The following LILRB5 variants were observed in gnomAD, a reference collection of about 807,000 sequenced individuals.
LILRB5 encodes leukocyte immunoglobulin-like receptor subfamily B member 5.
Under a neutral mutation model 68.4 loss-of-function variants are expected in LILRB5, and 61 were observed. The ratio of observed to expected loss-of-function variants is 0.89; its 90% CI spans 0.73 to 1.10. The LOEUF (loss-of-function observed/expected upper bound fraction) is 1.10. Among genes scored for constraint, LILRB5 ranks in the 50% least tolerant of loss-of-function variants. The pLI is 0.00. For synonymous variants in LILRB5, 356 were observed against 315.8 expected (o/e 1.13, Z -1.35); for missense variants, 771 against 751.6 (o/e 1.03, Z -0.30).
Position 54,252,868 on chromosome 19 carries a change from C to T in LILRB5, c.1474+3G>A, listed in dbSNP as rs1433051651. 1 of 1,603,872 alleles carries T rather than the reference C, an allele frequency of 6.2e-7. No individual in the cohort carries two copies. The highest frequency in any genetic ancestry group is 1.3e-5 in the African/African-American group (1 of 74,718). On this transcript the variant is annotated splice_donor_region_variant and intron_variant, in intron 9 of 12. Coordinates refer to ENST00000449561, the MANE Select transcript of LILRB5 (RefSeq NM_001081442.3). ...CCCACGGGTTCCCCCATTCCCTACT[C>T]ACCCGATGTCCTGTGTTTGCTCTGA...
chr19:54,251,869 A>C (rs1225529167), intron 12 of LILRB5, 185 bp downstream of exon 12: 4 of 776,324 alleles, frequency 5.2e-6, no homozygotes, highest in African/African-American at 1.7e-5. Context: ...ACCCGGGAGG[A>C]GGCCCACGAG....
chr19:54,252,378 C>T lies in LILRB5; in HGVS notation c.1564G>A (p.Glu522Lys). Residue 522 changes from glutamate to lysine, a missense_variant, in exon 11 of 13, where the codon GAG (glutamate) becomes AAG (lysine). Physicochemically the swap from Glu to Lys is moderately conservative, Grantham distance 56 (BLOSUM62 1). Transcript: ENST00000449561. The part of the protein sequence containing the change: ...KRASPVADIQ[E>K]EILNAAVKDT... ...TCTAGTCACTCACTGAGAATTTCCTCCTGGATGTCAGCAACTGGGCTGGCC... is the reference window on the plus strand; with the variant it reads ...TCTAGTCACTCACTGAGAATTTCCTTCTGGATGTCAGCAACTGGGCTGGCC... 1.2e-6 allele frequency: 2 copies of T among 1,614,098 alleles called. No homozygotes were observed. The highest frequency in any genetic ancestry group is 1.1e-5 in the South Asian group (1 of 91,078).
chr19:54,249,623 G>A lies in LILRB5; in HGVS notation c.*1163C>T, dbSNP rs2078887097. On this transcript the variant is annotated 3_prime_UTR_variant, in exon 13 of 13. Coordinates refer to ENST00000449561, the MANE Select transcript of LILRB5 (RefSeq NM_001081442.3). Reference sequence around the variant, plus strand: ...AGGGGGAATGTCCTATCTATTGTAGGCGTCAGAAAGAAGGAAGAGAAAACG... The same window carrying A: ...AGGGGGAATGTCCTATCTATTGTAGACGTCAGAAAGAAGGAAGAGAAAACG... 1 of 152,222 alleles carries A rather than the reference G, an allele frequency of 6.6e-6. No homozygotes were observed. The allele number at this position is 152,222 out of a possible 1,614,324, so 9.4% of individuals were successfully genotyped here.
chr19:54,250,962 A>G, intron 12 of LILRB5, 30 bp from the exon 13 acceptor site: 1 of 1,365,500 alleles, frequency 7.3e-7, no homozygotes, highest in African/African-American at 1.9e-5. Context: ...GAGGGAAGGA[A>G]CGTGGTGGGG....
At chr19:54,256,836 C>A (rs769454240) in intron 2 of LILRB5, 63 bp from the exon 3 acceptor site, 4 of 1,608,598 alleles carry the variant, frequency 2.5e-6, no homozygotes, top group Non-Finnish European at 3.4e-6. Flanking sequence ...AGCTCTCAGC[C>A]CCAGGACCCT....
At chr19:54,252,127 G>C in intron 11 of LILRB5, 21 bp from the exon 12 acceptor site, 1 of 1,613,488 alleles carries the variant, frequency 6.2e-7, no homozygotes, top group Non-Finnish European at 8.5e-7. Flanking sequence ...AGAGCAAGGG[G>C]TTCATCTCCT....
Position 54,255,370 on chromosome 19 carries a change from C to T in LILRB5, c.868G>A (p.Gly290Arg), listed in dbSNP as rs138442677. 20 of 1,613,970 alleles carry T rather than the reference C, an allele frequency of 1.2e-5. No individual in the cohort carries two copies. Among genetic ancestry groups the T allele is most frequent in the Middle Eastern group, 1.6e-4 (1 of 6,084 alleles). The change falls in exon 5 of 13, where the codon GGG becomes AGG. Residue 290 changes from glycine (G) to arginine (R), a missense_variant. Coordinates refer to ENST00000449561, the MANE Select transcript of LILRB5 (RefSeq NM_001081442.3). ...FTLGPVSRSHGGQYRCYGAHN... is the reference protein window; with the variant it reads ...FTLGPVSRSHRGQYRCYGAHN... ...GCACCGTAGCATCTGTACTGGCCCCCGTGGGAGCGGCTCACAGGGCCCAGG... is the reference window on the plus strand; with the variant it reads ...GCACCGTAGCATCTGTACTGGCCCCTGTGGGAGCGGCTCACAGGGCCCAGG...
At position 54,254,965 on chromosome 19, in the gene LILRB5, A is replaced by T; in HGVS notation, c.1025T>A (p.Leu342Gln). The change falls in exon 6 of 13, where the codon CTG (leucine) becomes CAG (glutamine). Residue 342 changes from leucine to glutamine, a missense_variant. By Grantham distance (113) the Leu-to-Gln change is moderately radical. Coordinates refer to ENST00000449561, the MANE Select transcript of LILRB5 (RefSeq NM_001081442.3). ...TATCTGATGCCATGACTGACACAGC[A>T]GGGTCACGTTCTCTCCTGAGGCCAC... is the stretch of plus-strand genomic sequence containing the variant. ...PKVASGENVT[L>Q]LCQSWHQIDT... 2.5e-6 allele frequency: 4 copies of T among 1,613,854 alleles called. No homozygotes were observed. Among genetic ancestry groups the T allele is most frequent in the Non-Finnish European group, 2.5e-6 (3 of 1,179,932 alleles).
In LILRB5 at chr19:54,255,442, C is replaced by T. The variant is rs150828702; in HGVS notation, c.796G>A (p.Gly266Ser). 128 of 1,613,930 alleles carry T rather than the reference C, an allele frequency of 7.9e-5. 1 individual carries two copies. The highest frequency in any genetic ancestry group is 1.1e-4 in the Non-Finnish European group (125 of 1,179,960). ...YKEGEHDLVQ[G>S]SGQQPQAGLS... ...CCAGCCTGGGGCTGCTGGCCAGAGC[C>T]CTGGACGAGGTCATGTTCCCCCTCC... Residue 266 changes from glycine (G) to serine (S), a missense_variant, in exon 5 of 13, where the codon GGC becomes AGC. Coordinates refer to ENST00000449561, the MANE Select transcript of LILRB5 (RefSeq NM_001081442.3).
At position 54,255,704 on chromosome 19, in the gene LILRB5, G is replaced by C. The variant is rs930820896; in HGVS notation, c.656-122C>G. The C allele has an allele frequency of 3.3e-6, 4 of 1,226,052 alleles. No individual in the cohort carries two copies. The African/African-American group carries it at 4.6e-5, about 14-fold the overall frequency. The allele number at this position is 1,226,052 out of a possible 1,614,324, so 75.9% of individuals were successfully genotyped here. A position where few individuals can be genotyped will look rare whatever the true frequency, so the allele number is the denominator to read the frequency against. ...TCTCACGCTCTGTGTCTCGGATCCC[G>C]GGGCCTCCTTCTCACCTGGGTCTGT... On this transcript the variant is annotated intron_variant, in intron 4 of 12. Coordinates refer to ENST00000449561, the MANE Select transcript of LILRB5 (RefSeq NM_001081442.3).
chr19:54,253,016 A>T, intron 8 of LILRB5, 29 bp from the exon 9 acceptor site: 1 of 1,462,716 alleles, frequency 6.8e-7, no homozygotes, highest in East Asian at 3.0e-5. Context: ...GGGAATGGGG[A>T]TGACGTCATT....
chr19:54,250,630 A>C lies in LILRB5; in HGVS notation c.*156T>G. 1.2e-6 allele frequency: 1 copy of C among 857,954 alleles called. No homozygotes were observed. Among genetic ancestry groups the C allele is most frequent in the Non-Finnish European group, 1.8e-6 (1 of 557,990 alleles). 53.1% of individuals were successfully genotyped at this position (857,954 alleles called of 1,614,324 possible). On this transcript the variant is annotated 3_prime_UTR_variant, in exon 13 of 13. Coordinates refer to ENST00000449561, the MANE Select transcript of LILRB5 (RefSeq NM_001081442.3). The stretch of plus-strand genomic sequence containing the variant: ...GATATTAGTCATCTTTGACTGCAGA[A>C]TCTAGTGAGTCCCAGAGTTCCCAGG...
In LILRB5 at chr19:54,256,106, AG is replaced by A. The variant is rs760640109; in HGVS notation, c.591del (p.Tyr198IlefsTer30). On this transcript the variant is annotated frameshift_variant, in exon 4 of 13. Coordinates refer to ENST00000449561, the MANE Select transcript of LILRB5 (RefSeq NM_001081442.3). LOFTEE classifies it high-confidence loss of function. ...PSCRWRFRCYYYYRKNPQVWS... is the reference protein window; with the variant it reads ...PSCRWRFRCYXYYRKNPQVWS... ...CACACCTGAGGGTTTTTCCTGTAAT[AG>A]TAATAGCATCTGAACCTCCACCTGC... 13 of 1,597,894 alleles carry A rather than the reference AG, an allele frequency of 8.1e-6. No individual in the cohort carries two copies. Among genetic ancestry groups the A allele is most frequent in the Non-Finnish European group, 1.7e-6 (2 of 1,173,104 alleles).
At position 54,250,651 on chromosome 19, in the gene LILRB5, C is replaced by A. The variant is rs1473273298; in HGVS notation, c.*135G>T. The A allele has an allele frequency of 2.6e-5, 29 of 1,119,794 alleles. No individual in the cohort carries two copies. The highest frequency in any genetic ancestry group is 1.5e-4 in the South Asian group (10 of 65,026). The allele number at this position is 1,119,794 out of a possible 1,614,324, so 69.4% of individuals were successfully genotyped here. A position where few individuals can be genotyped will look rare whatever the true frequency, so the allele number is the denominator to read the frequency against. On this transcript the variant is annotated 3_prime_UTR_variant, in exon 13 of 13. Transcript: ENST00000449561. Reference sequence around the variant, plus strand: ...CAGAATCTAGTGAGTCCCAGAGTTCCCAGGATGTCCTGGTGGTCTTTGTTA... The same window carrying A: ...CAGAATCTAGTGAGTCCCAGAGTTCACAGGATGTCCTGGTGGTCTTTGTTA...
chr19:54,255,373 G>A lies in LILRB5; in HGVS notation c.865C>T (p.His289Tyr), dbSNP rs685082. ...CCGTAGCATCTGTACTGGCCCCCGTGGGAGCGGCTCACAGGGCCCAGGGTG... is the reference window on the plus strand; with the variant it reads ...CCGTAGCATCTGTACTGGCCCCCGTAGGAGCGGCTCACAGGGCCCAGGGTG... ...NFTLGPVSRS[H>Y]GGQYRCYGAH... is the part of the protein sequence containing the mutation. The change falls in exon 5 of 13, where the codon CAC (histidine) becomes TAC (tyrosine). Residue 289 changes from histidine (H) to tyrosine (Y), a missense_variant. By Grantham distance (83) the His-to-Tyr change is moderately conservative. Transcript: ENST00000449561. The A allele has an allele frequency of 2.7e-4, 429 of 1,613,912 alleles. No individual in the cohort carries two copies. The African/African-American group carries it at 4.5e-3, about 17-fold the overall frequency.
intron 4 of LILRB5, chr19:54,255,786 G>A (rs748767946): frequency 1.3e-4 from 97 of 726,124 alleles, no homozygotes; most frequent in Non-Finnish European, 2.1e-4. Context: ...TGTCTGTCTG[G>A]TCTGTCCTCT....
chr19:54,252,294 C>CT, intron 11 of LILRB5, 72 bp downstream of exon 11: 1 of 1,551,996 alleles, frequency 6.4e-7, no homozygotes, highest in South Asian at 1.2e-5. Flanking sequence ...GCCTGTGCTC[C>CT]TGCCCCCATT....
intron 8 of LILRB5, 83 bp downstream of exon 8, chr19:54,253,935 C>T (rs1273820363): frequency 6.4e-7 from 1 of 1,550,740 alleles, no homozygotes; most frequent in Non-Finnish European, 8.7e-7. Flanking sequence ...TTCACCATCT[C>T]CAGAGGAGCC....
Position 54,252,373 on chromosome 19 carries a change from T to G in LILRB5, c.1569A>C (p.Glu523Asp). The G allele has an allele frequency of 6.2e-7, 1 of 1,614,016 alleles. No homozygotes were observed. Among genetic ancestry groups the G allele is most frequent in the Non-Finnish European group, 8.5e-7 (1 of 1,179,968 alleles). The change falls in exon 11 of 13, where the codon GAA becomes GAC. Residue 523 changes from glutamate to aspartate, a missense_variant. Glu to Asp is a conservative substitution (Grantham distance 45). Transcript: ENST00000449561. Reference protein sequence around the residue: ...RASPVADIQEEILNAAVKDTQ... With the variant: ...RASPVADIQEDILNAAVKDTQ... ...CCGCTTCTAGTCACTCACTGAGAAT[T>G]TCCTCCTGGATGTCAGCAACTGGGC...
Sources: gnomAD v4.1 joint callset for allele counts on GRCh38, gnomAD v4.1.1 for gene constraint, MANE v1.5 for transcripts, NCBI Gene and HGNC (gene_info 2026-07-23, HGNC 2026-07-21) for gene names.